Variants in KEL observed in about 807,000 individuals in gnomAD.
The protein encoded by KEL is kell blood group glycoprotein.
Under a neutral mutation model 99.5 loss-of-function variants are expected in KEL, and 96 were observed. The observed-to-expected ratio is 0.97, with a 90% confidence interval of 0.82 to 1.14. The LOEUF is 1.14. KEL is among the 50% of genes most tolerant of loss of function. KEL has a pLI of 0.00. For missense variants in KEL, 926 were observed against 924.2 expected (o/e 1.00, Z -0.03); for synonymous variants, 355 against 354.8 (o/e 1.00, Z -0.01).
At chr7:142,942,656 C>T in intron 17 of KEL, 127 bp from the exon 18 acceptor site, 1 of 880,158 alleles carries the variant, frequency 1.1e-6, no homozygotes, top group Non-Finnish European at 1.8e-6. Flanking sequence ...TTGATCTGAG[C>T]CAGAAGAAAG....
intron 1 of KEL, 106 bp downstream of exon 1, chr7:142,962,098 T>G: frequency 6.2e-7 from 1 of 1,613,986 alleles, no homozygotes. Flanking sequence ...CCCACCTTTC[T>G]ACTCTGTAAG....
chr7:142,954,630 G>T, intron 6 of KEL, 103 bp from the exon 7 acceptor site: 2 of 983,224 alleles, frequency 2.0e-6, no homozygotes, highest in Admixed American at 1.7e-5. Context: ...TTGGGAGATG[G>T]ACACAAAGAT....
At chr7:142,949,876 C>T (rs1156875332) in intron 10 of KEL, among the ~76,000 whole-genome samples, 1 of 152,178 alleles carries the variant, frequency 6.6e-6, no homozygotes, top group East Asian at 1.9e-4. Context: ...CAAAACCCAC[C>T]TTCCCAAGTT....
At position 142,961,209 on chromosome 7, in the gene KEL, T is replaced by TG. The variant is rs1796948958; in HGVS notation, c.224-106dup. 2.2e-5 allele frequency: 33 copies of TG among 1,517,836 alleles called. No individual in the cohort carries two copies. The South Asian group carries it at 3.7e-4, about 17-fold the overall frequency. The allele number at this position is 1,517,836 out of a possible 1,614,324, so 94.0% of individuals were successfully genotyped here. A position where few individuals can be genotyped will look rare whatever the true frequency, so the allele number is the denominator to read the frequency against. ...GGTGAGTAACTAAGTGGGGAGCTGA[T>TG]GAAAAAGAAATGGTTAGGATGCAGG... On this transcript the variant is annotated intron_variant, in intron 3 of 18. Coordinates refer to ENST00000355265, the MANE Select transcript of KEL (RefSeq NM_000420.3).
Position 142,958,392 on chromosome 7 carries a change from TC to T in KEL, c.436del (p.Glu146ArgfsTer43), listed in dbSNP as rs1562964425. The T allele has an allele frequency of 6.2e-7, 1 of 1,614,006 alleles. No homozygotes were observed. The highest frequency in any genetic ancestry group is 8.5e-7 in the Non-Finnish European group (1 of 1,180,044). On this transcript the variant is annotated frameshift_variant, in exon 5 of 19. Transcript: ENST00000355265. LOFTEE classifies it high-confidence loss of function. ...QNSWHPGSGE[E>X]KAFQFYNSCM... ...GGAGTTGTAGAACTGGAAGGCTTTC[TC>T]CTCCCCAGAGCCTGGGTGCCAGGAA...
In KEL at chr7:142,942,598, C is replaced by G. The variant is rs1487011745; in HGVS notation, c.1942-69G>C. On this transcript the variant is annotated intron_variant, in intron 17 of 18. Transcript: ENST00000355265. ...GTGGCCATTTGAAAGTCCCTCCACACAGTACCCAAAACCCATGGCCCTTGC... is the reference window on the plus strand; with the variant it reads ...GTGGCCATTTGAAAGTCCCTCCACAGAGTACCCAAAACCCATGGCCCTTGC... 8.8e-5 allele frequency: 106 copies of G among 1,198,646 alleles called. 1 individual carries two copies. The East Asian group carries it at 2.6e-3, about 29-fold the overall frequency. 74.3% of individuals were successfully genotyped at this position (1,198,646 alleles called of 1,614,324 possible).
At position 142,954,340 on chromosome 7, in the gene KEL, C is replaced by T. The variant is rs764375797; in HGVS notation, c.768G>A (p.Gln256=). Residue 256 remains glutamine (Q), a synonymous_variant, in exon 8 of 19, where the codon CAG becomes CAA. Coordinates refer to ENST00000355265, the MANE Select transcript of KEL (RefSeq NM_000420.3). ...IFREYLTYLN[Q]LGTLLGGDPS... ...GGTCTCCTCCCAGCAAGGTTCCCAGCTGATTCAGGTAAGTCAGGTATTCCC... is the reference window on the plus strand; with the variant it reads ...GGTCTCCTCCCAGCAAGGTTCCCAGTTGATTCAGGTAAGTCAGGTATTCCC... 4 of 1,614,036 alleles carry T rather than the reference C, an allele frequency of 2.5e-6. No homozygotes were observed. Among genetic ancestry groups the T allele is most frequent in the Non-Finnish European group, 3.4e-6 (4 of 1,180,048 alleles).
chr7:142,942,414 G>A lies in KEL; in HGVS notation c.2037+20C>T, dbSNP rs371862828. 140 of 1,536,340 alleles carry A rather than the reference G, an allele frequency of 9.1e-5. 2 individuals carry two copies. The South Asian group carries it at 1.0e-3, about 11-fold the overall frequency. On this transcript the variant is annotated intron_variant, in intron 18 of 18. Transcript: ENST00000355265. ...CAACTGACATAAAGCAAGCTGTGGC[G>A]GGAGGTGGCCGCTGCCTACCTGGGC... is the stretch of plus-strand genomic sequence containing the variant.
At chr7:142,944,994 T>TG in intron 11 of KEL, 1 of 571,866 alleles carries the variant, frequency 1.7e-6, no homozygotes, top group Non-Finnish European at 3.1e-6. Flanking sequence ...TTCCTTTCCA[T>TG]GGGGAAATAG....
In KEL at chr7:142,941,302, A is replaced by C; in HGVS notation, c.2149T>G (p.Cys717Gly). ...STPAFARYFRCARGALLNPSS... is the reference protein window; with the variant it reads ...STPAFARYFRGARGALLNPSS... ...GGGTTCAAGAGAGCACCACGTGCAC[A>C]GCGGAAATACCTGGCAAAGGCTGGG... Residue 717 changes from cysteine to glycine, a missense_variant, in exon 19 of 19, where the codon TGT becomes GGT. Coordinates refer to ENST00000355265, the MANE Select transcript of KEL (RefSeq NM_000420.3). The C allele has an allele frequency of 2.5e-6, 4 of 1,614,158 alleles. No individual in the cohort carries two copies. Among genetic ancestry groups the C allele is most frequent in the Non-Finnish European group, 3.4e-6 (4 of 1,180,038 alleles).
intron 10 of KEL, 93 bp downstream of exon 10, chr7:142,952,416 C>T (rs1298949377): frequency 6.6e-7 from 1 of 1,508,576 alleles, no homozygotes; most frequent in African/African-American, 1.4e-5. Flanking sequence ...CATCACGGCC[C>T]CCTCCCTGAG....
intron 1 of KEL, 71 bp downstream of exon 1, chr7:142,962,133 G>A (rs1318687415): frequency 6.2e-7 from 1 of 1,613,164 alleles, no homozygotes. Context: ...CCCTCCAGTG[G>A]GGGCAGGACT....
intron 10 of KEL, among the ~76,000 whole-genome samples, chr7:142,948,856 T>G (rs1796600071): frequency 6.6e-6 from 1 of 151,582 alleles, no homozygotes; most frequent in Non-Finnish European, 1.5e-5. Context: ...CAGTCAGTTG[T>G]TGCCACAGGA....
intron 4 of KEL, among the ~76,000 whole-genome samples, chr7:142,959,333 G>C (rs1018169001): frequency 6.6e-6 from 1 of 151,990 alleles, no homozygotes; most frequent in Non-Finnish European, 1.5e-5. Context: ...AAGATGAGAG[G>C]ACTGCCCAAT....
At chr7:142,955,691 A>G (rs1380630384) in intron 6 of KEL, among the ~76,000 whole-genome samples, 3 of 151,900 alleles carry the variant, frequency 2.0e-5, no homozygotes, top group Non-Finnish European at 2.9e-5. Flanking sequence ...TTCTTCTCCA[A>G]TTTCAATATC....
Position 142,953,872 on chromosome 7 carries a change from C to T in KEL, c.1009G>A (p.Val337Ile), listed in dbSNP as rs1220971440. Residue 337 changes from valine to isoleucine, a missense_variant, in exon 9 of 19, where the codon GTC becomes ATC. Coordinates refer to ENST00000355265, the MANE Select transcript of KEL (RefSeq NM_000420.3). ...MSLSPSQSLV[V>I]HDVEYLKNMS... is the part of the protein sequence containing the mutation. ...TTTTTCAAATATTCCACGTCATGGA[C>T]CACGAGGGACTGAGAAGGGCTCAGG... 6.2e-7 allele frequency: 1 copy of T among 1,614,182 alleles called. No individual in the cohort carries two copies. Among genetic ancestry groups the T allele is most frequent in the Non-Finnish European group, 8.5e-7 (1 of 1,180,024 alleles).
chr7:142,946,699 A>C, intron 10 of KEL: 1 of 306,878 alleles, frequency 3.3e-6, no homozygotes, highest in African/African-American at 2.1e-5. Context: ...GGTCCCAGCA[A>C]TGACTTCCAT....
In KEL at chr7:142,952,757, T is replaced by G. The variant is rs117830571; in HGVS notation, c.1074-119A>C. On this transcript the variant is annotated intron_variant, in intron 9 of 18. Coordinates refer to ENST00000355265, the MANE Select transcript of KEL (RefSeq NM_000420.3). ...GAAGGCAGCTCCTTCTCCTCTGTATTAATAAGTGTTTTAACATGCACCCAA... is the reference window on the plus strand; with the variant it reads ...GAAGGCAGCTCCTTCTCCTCTGTATGAATAAGTGTTTTAACATGCACCCAA... 5.0e-3 allele frequency: 5,864 copies of G among 1,182,756 alleles called. 24 individuals carry two copies. The highest frequency in any genetic ancestry group is 6.1e-3 in the Non-Finnish European group (5,060 of 823,228). The allele number at this position is 1,182,756 out of a possible 1,614,324, so 73.3% of individuals were successfully genotyped here.
At chr7:142,950,817 G>T (rs982881817) in intron 10 of KEL, among the ~76,000 whole-genome samples, 11 of 152,138 alleles carry the variant, frequency 7.2e-5, no homozygotes, top group African/African-American at 1.2e-4. Flanking sequence ...TCTCAATCCT[G>T]TATAGTGTGT....
Sources: allele counts gnomAD v4.1 joint callset (sites outside exome capture counted in the v4.1 genomes callset), GRCh38; gene constraint gnomAD v4.1.1; transcripts MANE v1.5; gene names NCBI Gene and HGNC (gene_info 2026-07-23, HGNC 2026-07-21).